The following NLRP8 variants were observed in gnomAD, a reference collection of about 807,000 sequenced individuals.
NLRP8 encodes the protein NACHT, LRR and PYD domains-containing protein 8.
A neutral mutation model predicts 88.7 loss-of-function variants in NLRP8; 86 were observed. The observed-to-expected ratio is 0.97, with a 90% confidence interval of 0.81 to 1.16. The LOEUF (loss-of-function observed/expected upper bound fraction) is 1.16, where lower values mean the gene tolerates loss of function less well. Ranked by LOEUF, NLRP8 falls within the 50% of genes most tolerant of loss-of-function variation. The pLI is 0.00. For missense variants in NLRP8, 1,342 were observed against 1,286.5 expected, an observed-to-expected ratio of 1.04 and a Z score of -0.66; for synonymous variants, 504 against 494.6, an observed-to-expected ratio of 1.02 and a Z score of -0.25.
intron 5 of NLRP8, among the ~76,000 whole-genome samples, chr19:55,968,512 G>A (rs1237741505): frequency 6.6e-6 from 1 of 151,846 alleles, no homozygotes; most frequent in East Asian, 1.9e-4. Context: ...AGGTCAAGGT[G>A]GGTGGATCAC....
At chr19:55,954,464 T>G in intron 2 of NLRP8, 37 bp from the exon 3 acceptor site, 1 of 1,591,228 alleles carries the variant, frequency 6.3e-7, no homozygotes, top group African/African-American at 1.3e-5. Context: ...TTCACTCTGA[T>G]GTCATACCCT....
Position 55,970,705 on chromosome 19 carries a change from C to G in NLRP8, c.2534+9C>G. ...CAGCTGGAGAGGCTGTCGTAAGTCTCCTTTCTAGTGGCTGTGGTTGTGGTT... is the reference window on the plus strand; with the variant it reads ...CAGCTGGAGAGGCTGTCGTAAGTCTGCTTTCTAGTGGCTGTGGTTGTGGTT... On this transcript the variant is annotated intron_variant, in intron 6 of 9. Coordinates refer to ENST00000291971, the MANE Select transcript of NLRP8 (RefSeq NM_176811.2). 1 of 1,613,630 alleles carries G rather than the reference C, an allele frequency of 6.2e-7. No individual in the cohort carries two copies. The highest frequency in any genetic ancestry group is 8.5e-7 in the Non-Finnish European group (1 of 1,179,820).
intron 4 of NLRP8, 96 bp downstream of exon 4, chr19:55,962,333 C>A: frequency 7.6e-7 from 1 of 1,309,318 alleles, no homozygotes. Flanking sequence ...ACTAGACTTC[C>A]GGAAAGCACC....
At chr19:55,953,273 C>G (rs543221456) in intron 2 of NLRP8, among the ~76,000 whole-genome samples, 1 of 152,022 alleles carries the variant, frequency 6.6e-6, no homozygotes, top group Admixed American at 6.6e-5. Flanking sequence ...CATCGAGTTG[C>G]GGGAAAACAA....
At chr19:55,975,584 T>C (rs181414484) in intron 7 of NLRP8, among the ~76,000 whole-genome samples, 1 of 152,334 alleles carries the variant, frequency 6.6e-6, no homozygotes, top group East Asian at 1.9e-4. Flanking sequence ...ATTCACGCAA[T>C]GGAATGTTAT....
At chr19:55,963,889 C>T (rs970159280) in intron 4 of NLRP8, among the ~76,000 whole-genome samples, 2 of 152,010 alleles carry the variant, frequency 1.3e-5, no homozygotes, top group African/African-American at 2.4e-5. Context: ...AGCGTGTATG[C>T]GTTGCCCACC....
At chr19:55,966,860 C>T (rs953739365) in intron 5 of NLRP8, among the ~76,000 whole-genome samples, 18 of 152,212 alleles carry the variant, frequency 1.2e-4, no homozygotes, top group African/African-American at 4.1e-4. Context: ...GCTCTAGATC[C>T]GTCTGATACC....
In NLRP8 at chr19:55,947,989, C is replaced by T. The variant is rs770699964; in HGVS notation, c.87C>T (p.Phe29=). The stretch of plus-strand genomic sequence containing the variant: ...GTTCTCATATTCCGCCCTGGACATT[C>T]TCTTGCTACCCCGGCTCCCCATGTG... The change falls in exon 1 of 10, where the codon TTC becomes TTT. Residue 29 remains phenylalanine (F), a synonymous_variant. Transcript: ENST00000291971. 1.6e-5 allele frequency: 26 copies of T among 1,613,978 alleles called. No individual in the cohort carries two copies. Among genetic ancestry groups the T allele is most frequent in the East Asian group, 8.9e-5 (4 of 44,864 alleles).
intron 4 of NLRP8, among the ~76,000 whole-genome samples, chr19:55,964,895 G>A (rs1206006476): frequency 1.3e-5 from 2 of 152,100 alleles, no homozygotes; most frequent in African/African-American, 2.4e-5. Context: ...TATACCTCAA[G>A]GAAACTGTTT....
intron 3 of NLRP8, among the ~76,000 whole-genome samples, chr19:55,959,321 C>T (rs1979511290): frequency 6.6e-6 from 1 of 151,970 alleles, no homozygotes; most frequent in Non-Finnish European, 1.5e-5. Context: ...ACGCCATTCT[C>T]CTGCCTCAGC....
rs756062729 is a variant in NLRP8 at position 55,955,999 on chromosome 19, T to A, written c.1941T>A (p.Phe647Leu). The A allele has an allele frequency of 5.0e-6, 8 of 1,614,056 alleles. No individual in the cohort carries two copies. Among genetic ancestry groups the A allele is most frequent in the Non-Finnish European group, 5.1e-6 (6 of 1,180,032 alleles). Reference sequence around the variant, plus strand: ...ACAAAGAAGTTCAAGTGTCTGCTTTTTGCCTGAAGCGGTGTCAATATTTGC... The same window carrying A: ...ACAAAGAAGTTCAAGTGTCTGCTTTATGCCTGAAGCGGTGTCAATATTTGC... The change falls in exon 3 of 10, where the codon TTT (phenylalanine) becomes TTA (leucine). Residue 647 changes from phenylalanine to leucine, a missense_variant. Phe to Leu is a conservative substitution (Grantham distance 22). Transcript: ENST00000291971.
chr19:55,969,912 A>C (rs1980000061), intron 5 of NLRP8, among the ~76,000 whole-genome samples: 1 of 152,196 alleles, frequency 6.6e-6, no homozygotes, highest in Non-Finnish European at 1.5e-5. Context: ...TTGAGGCCGA[A>C]ATCCAGCCCG....
At chr19:55,983,078 G>T (rs1980639992) in intron 9 of NLRP8, among the ~76,000 whole-genome samples, 1 of 152,188 alleles carries the variant, frequency 6.6e-6, no homozygotes, top group Admixed American at 6.5e-5. Context: ...ACAGTCGTGA[G>T]ACCTTGGTTC....
rs1215497476 is a variant in NLRP8, at chr19:55,947,880, G to A, written c.-23G>A. On this transcript the variant is annotated 5_prime_UTR_variant, in exon 1 of 10. Transcript: ENST00000291971. ...CGGTTGTCTTTATCGTGGACACTGA[G>A]GTGTTCTCTGCCTTGACTAAAGATG... is the stretch of plus-strand genomic sequence containing the variant. 6.3e-7 allele frequency: 1 copy of A among 1,591,462 alleles called. No homozygotes were observed. The highest frequency in any genetic ancestry group is 1.2e-5 in the South Asian group (1 of 86,830).
At chr19:55,948,400 C>G in intron 1 of NLRP8, 131 bp downstream of exon 1, 1 of 963,934 alleles carries the variant, frequency 1.0e-6, no homozygotes, top group Non-Finnish European at 1.5e-6. Context: ...GATAATGGAT[C>G]TAACCCAAAG....
At chr19:55,970,743 GTTGT>G in intron 6 of NLRP8, 47 bp downstream of exon 6, 1 of 1,608,966 alleles carries the variant, frequency 6.2e-7, no homozygotes, top group Non-Finnish European at 8.5e-7. Flanking sequence ...GGTTGTGGTG[GTTGT>G]TTGGTAGATT....
At chr19:55,977,583 G>A (rs1600315614) in intron 8 of NLRP8, among the ~76,000 whole-genome samples, 1 of 145,946 alleles carries the variant, frequency 6.9e-6, no homozygotes, top group African/African-American at 2.5e-5. Context: ...AATATATAAT[G>A]TATATATTTC....
chr19:55,955,670 A>T lies in NLRP8; in HGVS notation c.1612A>T (p.Ile538Phe). 6.2e-7 allele frequency: 1 copy of T among 1,614,172 alleles called. No individual in the cohort carries two copies. The highest frequency in any genetic ancestry group is 8.5e-7 in the Non-Finnish European group (1 of 1,180,006). ...TTTTCATGTGTTGAGCCACGTGAAT[A>T]TCCAGCGCCTGATAGCGAGTCCCAG... The change falls in exon 3 of 10, where the codon ATC becomes TTC. Residue 538 changes from isoleucine (I) to phenylalanine (F), a missense_variant. Coordinates refer to ENST00000291971, the MANE Select transcript of NLRP8 (RefSeq NM_176811.2).
At position 55,982,685 on chromosome 19, in the gene NLRP8, G is replaced by A. The variant is rs550747730; in HGVS notation, c.3047+3121G>A. Among the ~76,000 whole-genome samples the A allele has an allele frequency of 1.7e-4, 26 of 152,324 alleles. No homozygotes were observed. The South Asian group carries it at 3.7e-3, about 22-fold the overall frequency. ...GGGGCCAGGCCAGTGGCTTGCACCT[G>A]TAATCTCAGCACTGTGGGAGGTTAA... On this transcript the variant is annotated intron_variant, in intron 9 of 9. Transcript: ENST00000291971.
Sources: gnomAD v4.1 joint callset for allele counts (sites outside exome capture counted in the v4.1 genomes callset) on GRCh38, gnomAD v4.1.1 for gene constraint, MANE v1.5 for transcripts, NCBI Gene and HGNC (gene_info 2026-07-23, HGNC 2026-07-21) for gene names.